MACROD2: variants seen among roughly 807,000 people sequenced by gnomAD.
MACROD2 encodes mono-ADP ribosylhydrolase 2.
A neutral mutation model predicts 70.4 loss-of-function variants in MACROD2; 36 were observed. That is an observed-to-expected ratio of 0.51 (90% CI 0.39 to 0.68). The LOEUF (loss-of-function observed/expected upper bound fraction) is 0.68. Ranked by LOEUF, MACROD2 falls within the 30% of genes least tolerant of loss-of-function variation. The pLI is 0.00. For missense variants in MACROD2, 496 were observed against 538.4 expected, an observed-to-expected ratio of 0.92 and a Z score of 0.78; for synonymous variants, 172 against 178.8, an observed-to-expected ratio of 0.96 and a Z score of 0.30.
At chr20:14,992,006 G>A (rs918661210) in intron 5 of MACROD2, among the ~76,000 whole-genome samples, 11 of 152,130 alleles carry the variant, frequency 7.2e-5, no homozygotes, top group African/African-American at 2.7e-4. Context: ...ATATTGAGTG[G>A]GTGGTGGGAG....
chr20:15,233,967 T>TATATATATATATATA (rs1568657240), intron 6 of MACROD2, among the ~76,000 whole-genome samples: 1 of 48,606 alleles, frequency 2.1e-5, no homozygotes, highest in East Asian at 3.1e-4. Context: ...AAAAATTTAT[T>TATATATATATATATA]TTTATATATA....
intron 5 of MACROD2, among the ~76,000 whole-genome samples, chr20:15,186,650 C>T (rs1306077873): frequency 2.0e-5 from 3 of 151,984 alleles, no homozygotes; most frequent in East Asian, 3.9e-4. Context: ...AAATCCTGGA[C>T]CCATGAAGTA....
intron 8 of MACROD2, among the ~76,000 whole-genome samples, chr20:15,711,860 G>A (rs1364271270): frequency 1.3e-5 from 2 of 152,140 alleles, no homozygotes; most frequent in Non-Finnish European, 2.9e-5. Context: ...GAGTAACTGC[G>A]ACAGGGGTGG....
At chr20:14,427,852 A>G (rs1421417726) in intron 3 of MACROD2, among the ~76,000 whole-genome samples, 1 of 152,132 alleles carries the variant, frequency 6.6e-6, no homozygotes, top group Non-Finnish European at 1.5e-5. Context: ...ATGAAATACC[A>G]AGTGGCTGAA....
chr20:15,451,207 A>G (rs1452242255), intron 7 of MACROD2, among the ~76,000 whole-genome samples: 1 of 151,988 alleles, frequency 6.6e-6, no homozygotes, highest in Admixed American at 6.6e-5. Flanking sequence ...TCTCAGTGGG[A>G]GTCAGAGGTA....
chr20:14,339,541 G>T (rs572485289), intron 3 of MACROD2, among the ~76,000 whole-genome samples: 2 of 152,246 alleles, frequency 1.3e-5, no homozygotes, highest in South Asian at 4.1e-4. Context: ...AATCAGTTTC[G>T]TCTTCATTCA....
intron 8 of MACROD2, among the ~76,000 whole-genome samples, chr20:15,598,477 T>C (rs1356442186): frequency 6.6e-6 from 1 of 152,218 alleles, no homozygotes; most frequent in Non-Finnish European, 1.5e-5. Flanking sequence ...ACTGAGGTTA[T>C]CCTGCCAACC....
intron 5 of MACROD2, among the ~76,000 whole-genome samples, chr20:14,720,569 T>TTTTTTGTGTGTG (rs531072431): frequency 1.2e-5 from 1 of 84,164 alleles, no homozygotes; most frequent in African/African-American, 4.7e-5. Context: ...TTTTTTTTTT[T>TTTTTTGTGTGTG]TGTGAGGCAG....
At chr20:15,282,517 T>C (rs2077454967) in intron 6 of MACROD2, among the ~76,000 whole-genome samples, 1 of 152,202 alleles carries the variant, frequency 6.6e-6, no homozygotes, top group Non-Finnish European at 1.5e-5. Flanking sequence ...CCCTAACTCA[T>C]TTCTCTCAAG....
intron 10 of MACROD2, among the ~76,000 whole-genome samples, chr20:15,890,868 A>G (rs1019266021): frequency 1.3e-5 from 2 of 152,098 alleles, no homozygotes; most frequent in Non-Finnish European, 2.9e-5. Flanking sequence ...CAGGGTCCCC[A>G]TTATATCTTG....
At chr20:15,170,518 G>A (rs1222753998) in intron 5 of MACROD2, among the ~76,000 whole-genome samples, 1 of 152,106 alleles carries the variant, frequency 6.6e-6, no homozygotes, top group Non-Finnish European at 1.5e-5. Context: ...AGCCCTAGAG[G>A]TCTGGAAGAA....
At chr20:15,779,792 A>G (rs2051798606) in intron 8 of MACROD2, among the ~76,000 whole-genome samples, 1 of 152,132 alleles carries the variant, frequency 6.6e-6, no homozygotes, top group Admixed American at 6.5e-5. Context: ...TGTAGAAAAC[A>G]CAACCAAGAA....
intron 4 of MACROD2, among the ~76,000 whole-genome samples, chr20:14,611,964 T>G (rs1600454372): frequency 6.6e-6 from 1 of 152,184 alleles, no homozygotes; most frequent in East Asian, 1.9e-4. Context: ...CAAATTTTTC[T>G]TAAAGGCAAG....
chr20:14,177,637 A>G (rs1429523548), intron 3 of MACROD2, among the ~76,000 whole-genome samples: 1 of 152,076 alleles, frequency 6.6e-6, no homozygotes, highest in African/African-American at 2.4e-5. Context: ...TATAACTAAA[A>G]CACCGTTATA....
intron 8 of MACROD2, among the ~76,000 whole-genome samples, chr20:15,542,892 C>T (rs1351680712): frequency 6.6e-6 from 1 of 152,182 alleles, no homozygotes; most frequent in Non-Finnish European, 1.5e-5. Context: ...ACGTCCTACG[C>T]AGCACAACTT....
intron 5 of MACROD2, among the ~76,000 whole-genome samples, chr20:14,738,087 GT>G (rs11474629): frequency 4.7e-5 from 7 of 148,308 alleles, no homozygotes; most frequent in Non-Finnish European, 7.4e-5. Flanking sequence ...TCTATCAAGT[GT>G]TTTTTTTTTT....
Position 14,958,680 on chromosome 20 carries a change from C to G in MACROD2, c.419-271260C>G, listed in dbSNP as rs1460963920. On this transcript the variant is annotated intron_variant, in intron 5 of 17. Coordinates refer to ENST00000684519, the MANE Select transcript of MACROD2 (RefSeq NM_001351661.2). ...CCCCAAATCAGTATGTAACCTATTCCTAATCAGAAATCTCAAGCTTTGCCC... is the reference window on the plus strand; with the variant it reads ...CCCCAAATCAGTATGTAACCTATTCGTAATCAGAAATCTCAAGCTTTGCCC... Among the ~76,000 whole-genome samples, 3 of 152,264 alleles carry G rather than the reference C, an allele frequency of 2.0e-5. No homozygotes were observed. In the East Asian group the frequency reaches 5.8e-4, roughly 29 times the overall value.
chr20:14,690,154 A>G (rs2071046933), intron 5 of MACROD2, among the ~76,000 whole-genome samples: 1 of 152,130 alleles, frequency 6.6e-6, no homozygotes, highest in Non-Finnish European at 1.5e-5. Context: ...TGTCTATTTT[A>G]TTTCTTTAGA....
intron 2 of MACROD2, among the ~76,000 whole-genome samples, chr20:14,057,130 AAAAT>A (rs1208684443): frequency 4.6e-5 from 7 of 152,200 alleles, no homozygotes; most frequent in African/African-American, 1.7e-4. Flanking sequence ...TGTGAAAAGT[AAAAT>A]AAGCCCCTAG....
Sources: gnomAD v4.1 joint callset for allele counts (sites outside exome capture counted in the v4.1 genomes callset) on GRCh38, gnomAD v4.1.1 for gene constraint, MANE v1.5 for transcripts, NCBI Gene and HGNC (gene_info 2026-07-23, HGNC 2026-07-21) for gene names.